The following PCDH11X variants were observed in gnomAD, a reference collection of about 807,000 sequenced individuals.
The protein encoded by PCDH11X is protocadherin-11 X-linked.
PCDH11X carries 18 observed loss-of-function variants against 53.3 expected under a neutral mutation model. The ratio of observed to expected loss-of-function variants is 0.34; its 90% confidence interval spans 0.23 to 0.50. The LOEUF (loss-of-function observed/expected upper bound fraction) is 0.50. PCDH11X is among the 20% of genes least tolerant of loss of function. The pLI is 0.98. For missense variants in PCDH11X, 570 were observed against 1,032.4 expected (o/e 0.55, Z 6.14); for synonymous variants, 279 against 393.3 (o/e 0.71, Z 3.44).
At chrX:92,570,078 C>G (rs1029693200) in intron 10 of PCDH11X, among the ~76,000 whole-genome samples, 8 of 101,555 alleles carry the variant, frequency 7.9e-5, no homozygotes, top group African/African-American at 2.9e-4. Flanking sequence ...AATATAATAT[C>G]TTGTGCTATT....
chrX:92,274,349 A>G (rs757770729), intron 8 of PCDH11X, among the ~76,000 whole-genome samples: 3 of 109,212 alleles, frequency 2.7e-5, no homozygotes, highest in East Asian at 6.1e-4. Flanking sequence ...TTCACTGAAT[A>G]CTAAGAGCCT....
chrX:91,846,304 T>C (rs761560558), intron 5 of PCDH11X, among the ~76,000 whole-genome samples: 44 of 111,372 alleles, frequency 4.0e-4, no homozygotes, highest in African/African-American at 1.4e-3. Context: ...AAACATAAAC[T>C]ATGTTCTTAT....
At chrX:92,187,156 T>A (rs192963841) in intron 6 of PCDH11X, among the ~76,000 whole-genome samples, 155 of 111,608 alleles carry the variant, frequency 1.4e-3, no homozygotes, top group African/African-American at 4.9e-3. Flanking sequence ...CAAATCAGTC[T>A]AATGAGGCTA....
chrX:92,014,945 T>G (rs955445302), intron 6 of PCDH11X, among the ~76,000 whole-genome samples: 40 of 109,997 alleles, frequency 3.6e-4, no homozygotes, highest in Non-Finnish European at 5.9e-4. Context: ...AAATGACGAG[T>G]TAATAGGTGC....
chrX:92,071,978 C>T (rs1255480982), intron 6 of PCDH11X, among the ~76,000 whole-genome samples: 1 of 111,247 alleles, frequency 9.0e-6, no homozygotes, highest in East Asian at 2.9e-4. Context: ...TTCTATTCTA[C>T]TGTGTCTAAG....
At chrX:91,922,611 T>C (rs56669855) in intron 6 of PCDH11X, among the ~76,000 whole-genome samples, 8,607 of 111,862 alleles carry the variant, frequency 0.077, 318 homozygotes, top group African/African-American at 0.13. Flanking sequence ...GGTATTAGAT[T>C]CTCATAGGAG....
intron 6 of PCDH11X, chrX:91,983,568 G>A (rs1416721418): frequency 6.6e-6 from 3 of 451,580 alleles, no homozygotes; most frequent in Non-Finnish European, 1.2e-5. Context: ...GCCGTGCGGA[G>A]GCAGAGAACT....
chrX:92,220,973 C>T (rs1252438432), intron 7 of PCDH11X, among the ~76,000 whole-genome samples: 2 of 98,453 alleles, frequency 2.0e-5, no homozygotes. Flanking sequence ...ACCCCATGTT[C>T]TCACTCATAG....
intron 10 of PCDH11X, among the ~76,000 whole-genome samples, chrX:92,552,534 T>A (rs2074977147): frequency 9.4e-6 from 1 of 106,904 alleles, no homozygotes; most frequent in Non-Finnish European, 1.9e-5. Context: ...TTGTATCTTC[T>A]CCTGTATGAT....
intron 8 of PCDH11X, among the ~76,000 whole-genome samples, chrX:92,270,741 A>G (rs753381304): frequency 8.9e-6 from 1 of 112,158 alleles, no homozygotes; most frequent in East Asian, 2.8e-4. Context: ...AACTCAGTAA[A>G]TCAGCAGTTT....
intron 6 of PCDH11X, among the ~76,000 whole-genome samples, chrX:91,976,781 C>A (rs1487973961): frequency 1.8e-5 from 2 of 111,322 alleles, no homozygotes; most frequent in African/African-American, 6.5e-5. Flanking sequence ...TTTTTAAAAC[C>A]AGGAAATGCA....
At chrX:92,184,532 T>G (rs759445509) in intron 6 of PCDH11X, among the ~76,000 whole-genome samples, 1 of 111,498 alleles carries the variant, frequency 9.0e-6, no homozygotes, top group South Asian at 3.7e-4. Context: ...CAAAGCAATC[T>G]TGAATAGAAA....
chrX:92,576,712 A>C (rs1422107944), intron 10 of PCDH11X, among the ~76,000 whole-genome samples: 3 of 109,126 alleles, frequency 2.7e-5, no homozygotes, highest in Non-Finnish European at 5.7e-5. Flanking sequence ...CAATGCCTTA[A>C]TTTTGTTTGC....
At chrX:92,112,591 T>A (rs1222391117) in intron 6 of PCDH11X, among the ~76,000 whole-genome samples, 1 of 109,849 alleles carries the variant, frequency 9.1e-6, no homozygotes, top group Non-Finnish European at 1.9e-5. Flanking sequence ...TTTGATATCA[T>A]TGTGTTGTTT....
rs1182709442 is a variant in PCDH11X at position 91,992,350 on chromosome X, C to A, written c.3033+113077C>A. Among the ~76,000 whole-genome samples the A allele has an allele frequency of 9.7e-4, 104 of 106,756 alleles. 1 individual carries two copies. The highest frequency in any genetic ancestry group is 3.5e-3 in the African/African-American group (102 of 28,937). 92.7% of individuals were successfully genotyped at this position (106,756 alleles called of 115,157 possible). ...AATGCTGACCCCTTGAGCTCACTGA[C>A]TTTTGGAAGGGGCCAAACGCCTCTC... On this transcript the variant is annotated intron_variant, in intron 6 of 10. Transcript: ENST00000682573.
chrX:91,944,427 T>C (rs780902422), intron 6 of PCDH11X, among the ~76,000 whole-genome samples: 1 of 105,240 alleles, frequency 9.5e-6, no homozygotes, highest in Non-Finnish European at 2.0e-5. Flanking sequence ...ACAATAGGGA[T>C]ATTCACACAA....
intron 5 of PCDH11X, among the ~76,000 whole-genome samples, chrX:91,838,807 A>G (rs1413552491): frequency 9.3e-6 from 1 of 107,185 alleles, no homozygotes; most frequent in Non-Finnish European, 1.9e-5. Flanking sequence ...TATAAAATGT[A>G]TATGAATAGT....
At chrX:92,051,699 G>T (rs1231825762) in intron 6 of PCDH11X, among the ~76,000 whole-genome samples, 1 of 111,507 alleles carries the variant, frequency 9.0e-6, no homozygotes, top group East Asian at 2.8e-4. Context: ...AATCAAATGG[G>T]TGTGAAGTAT....
At chrX:91,919,269 A>G (rs1382696323) in intron 6 of PCDH11X, among the ~76,000 whole-genome samples, 2 of 111,755 alleles carry the variant, frequency 1.8e-5, no homozygotes, top group Admixed American at 1.9e-4. Flanking sequence ...GTCAAGGTCA[A>G]TTGGTGTTAA....
Sources: allele counts gnomAD v4.1 joint callset (sites outside exome capture counted in the v4.1 genomes callset), GRCh38; gene constraint gnomAD v4.1.1; transcripts MANE v1.5; gene names NCBI Gene and HGNC (gene_info 2026-07-23, HGNC 2026-07-21).